Variants in DPP6 observed in about 807,000 individuals in gnomAD.
DPP6 encodes dipeptidyl peptidase like 6, also known as A-type potassium channel modulatory protein DPP6.
A neutral mutation model predicts 122.6 loss-of-function variants in DPP6; 69 were observed. The observed-to-expected ratio is 0.56, with a 90% CI of 0.46 to 0.69. The LOEUF is 0.69. DPP6 is among the 30% of genes least tolerant of loss of function. The pLI is 0.00. For synonymous variants in DPP6, 418 were observed against 433.1 expected (o/e 0.97, Z 0.43); for missense variants, 928 against 1,116.9 (o/e 0.83, Z 2.41).
chr7:153,882,143 G>A (rs1345588537), upstream of DPP6, among the ~76,000 whole-genome samples: 2 of 152,114 alleles, frequency 1.3e-5, no homozygotes, highest in South Asian at 2.1e-4. Flanking sequence ...TTCTCCAAAC[G>A]ATTATTATCA....
intron 6 of DPP6, among the ~76,000 whole-genome samples, chr7:154,648,736 G>A (rs1383350898): frequency 2.0e-5 from 3 of 152,006 alleles, no homozygotes; most frequent in Non-Finnish European, 2.9e-5. Context: ...TGGCCAACAT[G>A]GTGAAACCCC....
the DPP6 span, among the ~76,000 whole-genome samples, chr7:153,865,631 A>C: frequency 6.6e-6 from 1 of 152,204 alleles, no homozygotes; most frequent in Non-Finnish European, 1.5e-5. Context: ...TAAGACTTCT[A>C]TTCAAAAATA....
At chr7:154,497,543 A>G (rs1041776340) in intron 3 of DPP6, among the ~76,000 whole-genome samples, 5 of 151,824 alleles carry the variant, frequency 3.3e-5, no homozygotes, top group African/African-American at 1.2e-4. Flanking sequence ...CGGGAGGTAG[A>G]GGTTGCAGTA....
chr7:154,246,928 G>A (rs1802018119), intron 1 of DPP6, among the ~76,000 whole-genome samples: 1 of 152,188 alleles, frequency 6.6e-6, no homozygotes, highest in South Asian at 2.1e-4. Flanking sequence ...GACTTCTCAA[G>A]TAGAACCGAA....
chr7:153,943,380 A>G (rs1332525918), intron 1 of DPP6, among the ~76,000 whole-genome samples: 1 of 152,214 alleles, frequency 6.6e-6, no homozygotes, highest in East Asian at 1.9e-4. Flanking sequence ...TTCAGACATC[A>G]GATCAATTCG....
rs1374649928 is a variant in DPP6 at position 154,760,612 on chromosome 7, T to C, written c.884-8805T>C. Among the ~76,000 whole-genome samples the C allele has an allele frequency of 6.6e-6, 1 of 152,098 alleles. No individual in the cohort carries two copies. The highest frequency in any genetic ancestry group is 6.5e-5 in the Admixed American group (1 of 15,278). ...ATTTCTTGTCTCTTGAGCAACTGAGTGGGTGGATGACCCAGTCGATTAACA... is the reference window on the plus strand; with the variant it reads ...ATTTCTTGTCTCTTGAGCAACTGAGCGGGTGGATGACCCAGTCGATTAACA... On this transcript the variant is annotated intron_variant, in intron 8 of 25. Transcript: ENST00000377770. The surrounding 1 kb of genome is among the most constrained non-coding windows in gnomAD (Gnocchi z 4.5).
At chr7:153,795,869 A>C in the DPP6 span, among the ~76,000 whole-genome samples, 1 of 149,148 alleles carries the variant, frequency 6.7e-6, no homozygotes, top group African/African-American at 2.5e-5. Flanking sequence ...TTCTTCTTTG[A>C]AATATAGATT....
chr7:153,966,779 C>T (rs570194053), intron 1 of DPP6, among the ~76,000 whole-genome samples: 4 of 151,448 alleles, frequency 2.6e-5, no homozygotes, highest in Non-Finnish European at 4.4e-5. Flanking sequence ...TAAGAAATCT[C>T]TTGGCCAGGC....
chr7:154,101,729 A>G (rs1009399081), intron 1 of DPP6, among the ~76,000 whole-genome samples: 1 of 151,660 alleles, frequency 6.6e-6, no homozygotes, highest in African/African-American at 2.4e-5. Context: ...GGAGTTGTAG[A>G]CAAGCCTGGT....
chr7:153,959,134 G>C (rs541648083), intron 1 of DPP6, among the ~76,000 whole-genome samples: 5 of 151,086 alleles, frequency 3.3e-5, no homozygotes, highest in Non-Finnish European at 7.4e-5. Context: ...GGTCACTAAG[G>C]GAAAGAGAAT....
At chr7:154,037,289 T>C (rs956789698) in intron 1 of DPP6, among the ~76,000 whole-genome samples, 4 of 152,092 alleles carry the variant, frequency 2.6e-5, no homozygotes, top group African/African-American at 9.7e-5. Context: ...ACTTTCCCCA[T>C]TGGTATTCCG....
chr7:154,416,277 G>T (rs571447400), intron 1 of DPP6, among the ~76,000 whole-genome samples: 1 of 152,166 alleles, frequency 6.6e-6, no homozygotes, highest in South Asian at 2.1e-4. Flanking sequence ...CGATGATTCA[G>T]GATCACCCAA....
intron 1 of DPP6, among the ~76,000 whole-genome samples, chr7:154,026,055 G>T (rs1218145605): frequency 6.8e-6 from 1 of 147,106 alleles, no homozygotes; most frequent in Non-Finnish European, 1.5e-5. Context: ...CCAGTTTGAT[G>T]ACTTTATCCT....
intron 1 of DPP6, among the ~76,000 whole-genome samples, chr7:154,114,537 A>G (rs1806838171): frequency 6.6e-6 from 1 of 152,202 alleles, no homozygotes; most frequent in Admixed American, 6.5e-5. Flanking sequence ...CAGTGAACTT[A>G]AACAATTCAT....
chr7:153,780,390 A>G, the DPP6 span, among the ~76,000 whole-genome samples: 1 of 152,144 alleles, frequency 6.6e-6, no homozygotes. Flanking sequence ...AATGGTTCCC[A>G]GAATTATTTA....
At chr7:154,672,259 A>G (rs1838616573) in intron 7 of DPP6, among the ~76,000 whole-genome samples, 1 of 152,188 alleles carries the variant, frequency 6.6e-6, no homozygotes, top group Non-Finnish European at 1.5e-5. Context: ...CTGTGAGTCA[A>G]TTAAACCTCT....
At chr7:154,524,451 G>A (rs1364910590) in intron 3 of DPP6, among the ~76,000 whole-genome samples, 2 of 152,126 alleles carry the variant, frequency 1.3e-5, no homozygotes, top group South Asian at 4.1e-4. Flanking sequence ...CTGGCTGTTG[G>A]CAGGTGGTGG....
the DPP6 span, among the ~76,000 whole-genome samples, chr7:153,778,321 T>G: frequency 6.6e-6 from 1 of 152,088 alleles, no homozygotes; most frequent in Middle Eastern, 3.4e-3. Context: ...CATGTGGGCA[T>G]TACAAATATA....
intron 1 of DPP6, among the ~76,000 whole-genome samples, chr7:154,323,281 T>C (rs1337110164): frequency 6.6e-6 from 1 of 152,102 alleles, no homozygotes; most frequent in Non-Finnish European, 1.5e-5. Flanking sequence ...GTTCTTTAAA[T>C]TGGCACAGTT....
Sources: allele counts gnomAD v4.1 joint callset (sites outside exome capture counted in the v4.1 genomes callset), GRCh38; gene constraint gnomAD v4.1.1; non-coding constraint Gnocchi (gnomAD v3.1); transcripts MANE v1.5; gene names NCBI Gene and HGNC (gene_info 2026-07-23, HGNC 2026-07-21).